Variants in IL11 observed in about 807,000 individuals in gnomAD.
IL11 encodes interleukin-11.
In IL11, 17 loss-of-function variants were observed where a neutral mutation model predicts 18.1. The observed-to-expected ratio is 0.94, with a 90% CI of 0.64 to 1.41. IL11 has a LOEUF of 1.41. IL11 is among the 40% of genes most tolerant of loss of function. The pLI, the probability that IL11 is intolerant of heterozygous loss-of-function variation, is 0.00. For synonymous variants in IL11, 144 were observed against 134.1 expected (o/e 1.07, Z -0.51); for missense variants, 309 against 262.8 (o/e 1.18, Z -1.22).
rs1419929787 is a variant in IL11 at position 55,365,909 on chromosome 19, T to G, written c.*98A>C. On this transcript the variant is annotated 3_prime_UTR_variant, in exon 5 of 5. Coordinates refer to ENST00000264563, the MANE Select transcript of IL11 (RefSeq NM_000641.4). The stretch of plus-strand genomic sequence containing the variant: ...ACTGTCTCTAACTAGGGGGAGATAA[T>G]GGCGGGGGGATCACCTGGCTGTTTC... The G allele has an allele frequency of 1.3e-6, 2 of 1,516,704 alleles. No individual in the cohort carries two copies. The highest frequency in any genetic ancestry group is 1.8e-6 in the Non-Finnish European group (2 of 1,128,846). 94.0% of individuals were successfully genotyped at this position (1,516,704 alleles called of 1,614,324 possible). A position where few individuals can be genotyped will look rare whatever the true frequency, so the allele number is the denominator to read the frequency against.
At position 55,368,907 on chromosome 19, in the gene IL11, C is replaced by T; in HGVS notation, c.42G>A (p.Leu14=). ...VCRLVLVVLS[L]WPDTAVAPGP... ...CAGGGGCGACAGCTGTATCTGGCCA[C>T]AGGCTCAGCACGACCAGGACCAGGC... Residue 14 remains leucine (L), a synonymous_variant, in exon 2 of 5, where the codon CTG becomes CTA. Transcript: ENST00000264563. 1.3e-6 allele frequency: 2 copies of T among 1,550,538 alleles called. No homozygotes were observed. Among genetic ancestry groups the T allele is most frequent in the Admixed American group, 2.0e-5 (1 of 50,238 alleles).
rs1490872837 is a variant in IL11 at position 55,369,024 on chromosome 19, G to C, written c.8-83C>G. 8 of 1,268,266 alleles carry C rather than the reference G, an allele frequency of 6.3e-6. No individual in the cohort carries two copies. The highest frequency in any genetic ancestry group is 8.5e-6 in the Non-Finnish European group (8 of 936,892). The allele number at this position is 1,268,266 out of a possible 1,614,324, so 78.6% of individuals were successfully genotyped here. A position where few individuals can be genotyped will look rare whatever the true frequency, so the allele number is the denominator to read the frequency against. Reference sequence around the variant, plus strand: ...CCTGGGCCTGGACTCCCGGGTCTGAGGGAGGAGGAACTGGGGTCTGGACTC... The same window carrying C: ...CCTGGGCCTGGACTCCCGGGTCTGACGGAGGAGGAACTGGGGTCTGGACTC... On this transcript the variant is annotated intron_variant, in intron 1 of 4. Coordinates refer to ENST00000264563, the MANE Select transcript of IL11 (RefSeq NM_000641.4). This position sits in a 1 kb window ranked among gnomAD's most constrained non-coding sequence, Gnocchi z 6.1.
At position 55,368,797 on chromosome 19, in the gene IL11, G is replaced by A. The variant is rs748165583; in HGVS notation, c.152C>T (p.Ala51Val). 6 of 1,590,956 alleles carry A rather than the reference G, an allele frequency of 3.8e-6. No homozygotes were observed. Among genetic ancestry groups the A allele is most frequent in the East Asian group, 4.5e-5 (2 of 44,172 alleles). ...STVLLTRSLL[A>V]DTRQLAAQLR... ...CTGTGCAGCCAGCTGCCGCGTGTCC[G>A]CCAGGAGAGAGCGGGTCAGGAGCAC... Residue 51 changes from alanine to valine, a missense_variant, in exon 2 of 5, where the codon GCG (alanine) becomes GTG (valine). By Grantham distance (64) the Ala-to-Val change is moderately conservative. Coordinates refer to ENST00000264563, the MANE Select transcript of IL11 (RefSeq NM_000641.4).
chr19:55,365,977 G>A lies in IL11; in HGVS notation c.*30C>T. The A allele has an allele frequency of 6.3e-7, 1 of 1,577,892 alleles. No homozygotes were observed. The highest frequency in any genetic ancestry group is 8.6e-7 in the Non-Finnish European group (1 of 1,162,988). ...AAATAAATAAATAAGATCTGGCTTT[G>A]GAAGGACGGTGGTGGCTTTGGGCCC... is the stretch of plus-strand genomic sequence containing the variant. On this transcript the variant is annotated 3_prime_UTR_variant, in exon 5 of 5. Transcript: ENST00000264563.
At position 55,368,649 on chromosome 19, in the gene IL11, T is replaced by C. The variant is rs568268577; in HGVS notation, c.181-80A>G. The C allele has an allele frequency of 6.1e-6, 9 of 1,471,522 alleles. No homozygotes were observed. The East Asian group carries it at 2.2e-4, about 36-fold the overall frequency. 91.2% of individuals were successfully genotyped at this position (1,471,522 alleles called of 1,614,324 possible). Reference sequence around the variant, plus strand: ...ATCCCCCACGCCAGGCCCCCAACTCTTCCCCTCCCTCACTCTGCCACCTGA... The same window carrying C: ...ATCCCCCACGCCAGGCCCCCAACTCCTCCCCTCCCTCACTCTGCCACCTGA... On this transcript the variant is annotated intron_variant, in intron 2 of 4. Transcript: ENST00000264563.
At chr19:55,368,088 A>AG in intron 4 of IL11, 122 bp downstream of exon 4, 1 of 808,558 alleles carries the variant, frequency 1.2e-6, no homozygotes, top group African/African-American at 1.7e-5. Context: ...TTAGGGTGTC[A>AG]GGGTCTCAGA....
At position 55,368,212 on chromosome 19, in the gene IL11, G is replaced by T; in HGVS notation, c.427C>A (p.Leu143Met). 6.5e-7 allele frequency: 1 copy of T among 1,530,936 alleles called. No individual in the cohort carries two copies. 94.8% of individuals were successfully genotyped at this position (1,530,936 alleles called of 1,614,324 possible). ...LDRLLRRLQL[L>M]MSRLALPQPP... ...CAGGTCTTGGGGCCAGGACATACCA[G>T]GAGCTGCAGCCGGCGCAGCAGCCGG... The change falls in exon 4 of 5, where the codon CTG becomes ATG. Residue 143 changes from leucine (L) to methionine (M), a missense_variant and splice_region_variant. Physicochemically the swap from Leu to Met is conservative, Grantham distance 15. Transcript: ENST00000264563.
In IL11 at chr19:55,369,829, C is replaced by T. The variant is rs2089811486; in HGVS notation, c.7+475G>A. ...GCATCTGCCCGGCTCTCCCCGCTTT[C>T]CCCCCGCGCCCAGTCTCTCTCCTCC... On this transcript the variant is annotated intron_variant, in intron 1 of 4. Transcript: ENST00000264563. This position sits in a 1 kb window ranked among gnomAD's most constrained non-coding sequence, Gnocchi z 6.1. 1.3e-5 allele frequency among the ~76,000 whole-genome samples: 2 copies of T among 151,762 alleles called. No homozygotes were observed. The highest frequency in any genetic ancestry group is 2.1e-4 in the South Asian group (1 of 4,820).
At position 55,365,753 on chromosome 19, in the gene IL11, T is replaced by G. The variant is rs2089780905; in HGVS notation, c.*254A>C. ...GGCAGAAGTCTGTGGACAGACTTCT[T>G]GGAGACCCAAGAATCCGGGACCCCA... On this transcript the variant is annotated 3_prime_UTR_variant, in exon 5 of 5. Transcript: ENST00000264563. 1 of 518,590 alleles carries G rather than the reference T, an allele frequency of 1.9e-6. No homozygotes were observed. The highest frequency in any genetic ancestry group is 3.4e-6 in the Non-Finnish European group (1 of 297,504). 32.1% of individuals were successfully genotyped at this position (518,590 alleles called of 1,614,324 possible). A position where few individuals can be genotyped will look rare whatever the true frequency, so the allele number is the denominator to read the frequency against.
intron 4 of IL11, among the ~76,000 whole-genome samples, chr19:55,367,287 C>G (rs577117624): frequency 6.6e-6 from 1 of 151,296 alleles, no homozygotes; most frequent in Non-Finnish European, 1.5e-5. Context: ...CCTCAGGGCT[C>G]GGGGTCTAGG....
rs1454364658 is a variant in IL11, at chr19:55,365,329, AAC to A, written c.*676_*677del. 2 of 152,534 alleles carry A rather than the reference AAC, an allele frequency of 1.3e-5. No homozygotes were observed. The highest frequency in any genetic ancestry group is 2.4e-5 in the African/African-American group (1 of 41,400). The allele number at this position is 152,534 out of a possible 1,614,324, so 9.4% of individuals were successfully genotyped here. The stretch of plus-strand genomic sequence containing the variant: ...TGCCTCACTGCACTCCAGCCTAGGC[AAC>A]AGAGCGAGACTCCATCTCAAAAAAC... On this transcript the variant is annotated 3_prime_UTR_variant, in exon 5 of 5. Transcript: ENST00000264563.
rs1327474967 is a variant in IL11, at chr19:55,366,571, G to A, written c.430-394C>T. 4.6e-5 allele frequency among the ~76,000 whole-genome samples: 7 copies of A among 152,112 alleles called. No individual in the cohort carries two copies. Among genetic ancestry groups the A allele is most frequent in the Admixed American group, 1.3e-4 (2 of 15,270 alleles). ...CACGCCTGTTATCCCAGCGCTTTGG[G>A]AGGCCGAGGCGGGCGGATGGCCTGA... is the stretch of plus-strand genomic sequence containing the variant. On this transcript the variant is annotated intron_variant, in intron 4 of 4. Transcript: ENST00000264563. This position sits in a 1 kb window ranked among gnomAD's most constrained non-coding sequence, Gnocchi z 4.6.
Position 55,368,262 on chromosome 19 carries a change from A to T in IL11, c.377T>A (p.Leu126Gln), listed in dbSNP as rs1278163913. 1 of 1,550,968 alleles carries T rather than the reference A, an allele frequency of 6.4e-7. No individual in the cohort carries two copies. Among genetic ancestry groups the T allele is most frequent in the Non-Finnish European group, 8.7e-7 (1 of 1,146,944 alleles). ...GSSLKTLEPE[L>Q]GTLQARLDRL... ...GTCCAGTCGGGCCTGCAGGGTGCCC[A>T]GCTCGGGCTCCAGGGTCTTCAGGGA... Residue 126 changes from leucine (L) to glutamine (Q), a missense_variant, in exon 4 of 5, where the codon CTG becomes CAG. Transcript: ENST00000264563.
rs1329322173 is a variant in IL11 at position 55,369,756 on chromosome 19, C to T, written c.7+548G>A. Among the ~76,000 whole-genome samples the T allele has an allele frequency of 1.3e-5, 2 of 150,340 alleles. No individual in the cohort carries two copies. The highest frequency in any genetic ancestry group is 6.6e-5 in the Admixed American group (1 of 15,178). ...GCCCGCGCCTCGCACACCCCCAGCC[C>T]GCCCCCCGGGCCCGCCAGCCGTCGG... On this transcript the variant is annotated intron_variant, in intron 1 of 4. Transcript: ENST00000264563. This position sits in a 1 kb window ranked among gnomAD's most constrained non-coding sequence, Gnocchi z 6.1.
chr19:55,366,289 T>C lies in IL11; in HGVS notation c.430-112A>G. The C allele has an allele frequency of 8.7e-7, 1 of 1,148,672 alleles. No individual in the cohort carries two copies. Among genetic ancestry groups the C allele is most frequent in the African/African-American group, 1.6e-5 (1 of 61,820 alleles). 71.2% of individuals were successfully genotyped at this position (1,148,672 alleles called of 1,614,324 possible). On this transcript the variant is annotated intron_variant, in intron 4 of 4. Coordinates refer to ENST00000264563, the MANE Select transcript of IL11 (RefSeq NM_000641.4). This position sits in a 1 kb window ranked among gnomAD's most constrained non-coding sequence, Gnocchi z 4.6. Reference sequence around the variant, plus strand: ...GGGCTGCATATTCACAGGGGGACTGTGGCGCGTGGGGTGAAGTGTTTAGGC... The same window carrying C: ...GGGCTGCATATTCACAGGGGGACTGCGGCGCGTGGGGTGAAGTGTTTAGGC...
In IL11 at chr19:55,370,311, G is replaced by A. The variant is rs1600286905; in HGVS notation, c.-1C>T. ...CCCCATGAACCAACTTACAGTTCAT[G>A]TCCCCACAGGGCCAGGGGTTCCCCA... On this transcript the variant is annotated 5_prime_UTR_variant, in exon 1 of 5. Coordinates refer to ENST00000264563, the MANE Select transcript of IL11 (RefSeq NM_000641.4). The A allele has an allele frequency of 6.8e-7, 1 of 1,470,106 alleles. No individual in the cohort carries two copies. Among genetic ancestry groups the A allele is most frequent in the Non-Finnish European group, 9.1e-7 (1 of 1,100,936 alleles). The allele number at this position is 1,470,106 out of a possible 1,614,324, so 91.1% of individuals were successfully genotyped here.
Position 55,366,212 on chromosome 19 carries a change from G to C in IL11, c.430-35C>G. The stretch of plus-strand genomic sequence containing the variant: ...GAGGAGAGAGGTGAGTCACAGGTAG[G>C]GGGTGCAGCGGGGGTGCAGGGCAGG... On this transcript the variant is annotated intron_variant, in intron 4 of 4. Transcript: ENST00000264563. The surrounding 1 kb of genome is among the most constrained non-coding windows in gnomAD (Gnocchi z 4.6). 3.4e-6 allele frequency: 5 copies of C among 1,450,152 alleles called. No individual in the cohort carries two copies. The highest frequency in any genetic ancestry group is 2.6e-5 in the East Asian group (1 of 38,812). 89.8% of individuals were successfully genotyped at this position (1,450,152 alleles called of 1,614,324 possible).
Position 55,368,790 on chromosome 19 carries a change from C to G in IL11, c.159G>C (p.Thr53=). The G allele has an allele frequency of 6.3e-7, 1 of 1,588,978 alleles. No homozygotes were observed. The highest frequency in any genetic ancestry group is 8.6e-7 in the Non-Finnish European group (1 of 1,168,338). Residue 53 remains threonine (T), a synonymous_variant, in exon 2 of 5, where the codon ACG becomes ACC. Transcript: ENST00000264563. The part of the protein sequence containing the change: ...VLLTRSLLAD[T]RQLAAQLRDK... The stretch of plus-strand genomic sequence containing the variant: ...CTACCAGCTGTGCAGCCAGCTGCCG[C>G]GTGTCCGCCAGGAGAGAGCGGGTCA...
At position 55,365,918 on chromosome 19, in the gene IL11, G is replaced by GA. The variant is rs1180294507; in HGVS notation, c.*88dup. ...AACTAGGGGGAGATAATGGCGGGGGGATCACCTGGCTGTTTCGCCCCCAGT... is the reference window on the plus strand; with the variant it reads ...AACTAGGGGGAGATAATGGCGGGGGGAATCACCTGGCTGTTTCGCCCCCAGT... On this transcript the variant is annotated 3_prime_UTR_variant, in exon 5 of 5. Transcript: ENST00000264563. 6.5e-7 allele frequency: 1 copy of GA among 1,535,324 alleles called. No individual in the cohort carries two copies. Among genetic ancestry groups the GA allele is most frequent in the African/African-American group, 1.4e-5 (1 of 72,358 alleles).
Sources: allele counts gnomAD v4.1 joint callset (sites outside exome capture counted in the v4.1 genomes callset), GRCh38; gene constraint gnomAD v4.1.1; non-coding constraint Gnocchi (gnomAD v3.1); transcripts MANE v1.5; gene names NCBI Gene and HGNC (gene_info 2026-07-23, HGNC 2026-07-21).